STON2: variants seen among roughly 807,000 people sequenced by gnomAD.
STON2 encodes the protein stonin 2.
A neutral mutation model predicts 65.7 loss-of-function variants in STON2; 29 were observed. The ratio of observed to expected loss-of-function variants is 0.44; its 90% confidence interval spans 0.33 to 0.60. The LOEUF is 0.60. STON2 is among the 20% of genes least tolerant of loss of function. STON2 has a pLI of 0.03. For missense variants in STON2, 1,054 were observed against 1,118.1 expected (o/e 0.94, Z 0.82); for synonymous variants, 404 against 414.2 (o/e 0.98, Z 0.30).
At chr14:81,271,948 C>A (rs1055741067) in intron 6 of STON2, among the ~76,000 whole-genome samples, 1 of 152,150 alleles carries the variant, frequency 6.6e-6, no homozygotes, top group South Asian at 2.1e-4. Flanking sequence ...ACAGTCACAG[C>A]TAGAAAGTGG....
At chr14:81,286,157 AAAAAT>A (rs869033768) in intron 5 of STON2, among the ~76,000 whole-genome samples, 2 of 152,244 alleles carry the variant, frequency 1.3e-5, no homozygotes, top group African/African-American at 4.8e-5. Flanking sequence ...TTTGTCTCAA[AAAAAT>A]AAAATAAGTA....
At chr14:81,347,546 T>C (rs1430865461) in intron 4 of STON2, among the ~76,000 whole-genome samples, 5 of 138,220 alleles carry the variant, frequency 3.6e-5, no homozygotes, top group Non-Finnish European at 7.6e-5. Context: ...AATTGAAGAG[T>C]AGAGAATTCT....
chr14:81,307,109 G>A (rs1200066581), intron 5 of STON2, among the ~76,000 whole-genome samples: 1 of 152,196 alleles, frequency 6.6e-6, no homozygotes, highest in African/African-American at 2.4e-5. Context: ...CACTCCCTTA[G>A]ATCCTCTACA....
At position 81,337,636 on chromosome 14, in the gene STON2, C is replaced by T. The variant is rs76097268; in HGVS notation, c.572-13449G>A. Among the ~76,000 whole-genome samples, 55 of 152,116 alleles carry T rather than the reference C, an allele frequency of 3.6e-4. 1 individual carries two copies. In the South Asian group the frequency reaches 9.8e-3, roughly 27 times the overall value. The stretch of plus-strand genomic sequence containing the variant: ...TGAACCGTATGAAGATCTTGAAGAA[C>T]GACCTTCCAGAAAGAGGGAACAGCA... On this transcript the variant is annotated intron_variant, in intron 4 of 7. Coordinates refer to ENST00000614646, the MANE Select transcript of STON2 (RefSeq NM_001394390.1).
rs141777171 is a variant in STON2, at chr14:81,351,246, TG to T, written c.571+19741del. Among the ~76,000 whole-genome samples, 783 of 148,028 alleles carry T rather than the reference TG, an allele frequency of 5.3e-3. 4 individuals are homozygous for T. The highest frequency in any genetic ancestry group is 0.029 in the South Asian group (135 of 4,646). On this transcript the variant is annotated intron_variant, in intron 4 of 7. Coordinates refer to ENST00000614646, the MANE Select transcript of STON2 (RefSeq NM_001394390.1). Reference sequence around the variant, plus strand: ...GATTCAATGTGGCAAAAATGGGAAATGTAGCTTTACAAAATTCATTGGACAC... The same window carrying T: ...GATTCAATGTGGCAAAAATGGGAAATTAGCTTTACAAAATTCATTGGACAC...
At chr14:81,414,618 T>A (rs751041889) in intron 2 of STON2, among the ~76,000 whole-genome samples, 1 of 151,426 alleles carries the variant, frequency 6.6e-6, no homozygotes, top group African/African-American at 2.4e-5. Context: ...ATTCCTTGAA[T>A]ACTAGATGTG....
At chr14:81,378,834 C>A (rs1029378522) in intron 3 of STON2, among the ~76,000 whole-genome samples, 4 of 152,162 alleles carry the variant, frequency 2.6e-5, no homozygotes, top group African/African-American at 9.7e-5. Flanking sequence ...AGAGAAAAAT[C>A]TTACCATCAT....
At chr14:81,407,906 G>C (rs1900947518) in intron 2 of STON2, among the ~76,000 whole-genome samples, 2 of 152,188 alleles carry the variant, frequency 1.3e-5, no homozygotes, top group African/African-American at 4.8e-5. Context: ...CTGTGTCACA[G>C]TGGGCTACAG....
At position 81,262,038 on chromosome 14, in the gene STON2, TA is replaced by T; in HGVS notation, c.*6375del. ...CAAAATTTAAATTTCTTGGTTCTTA[TA>T]AACATAGGAAGAGTCACTGAAAGGT... On this transcript the variant is annotated 3_prime_UTR_variant, in exon 8 of 8. Transcript: ENST00000614646. 7.3e-7 allele frequency: 1 copy of T among 1,364,574 alleles called. No individual in the cohort carries two copies. Among genetic ancestry groups the T allele is most frequent in the Non-Finnish European group, 9.4e-7 (1 of 1,064,708 alleles). The allele number at this position is 1,364,574 out of a possible 1,614,324, so 84.5% of individuals were successfully genotyped here. A position where few individuals can be genotyped will look rare whatever the true frequency, so the allele number is the denominator to read the frequency against.
rs2140088915 is a variant in STON2 at position 81,266,403 on chromosome 14, T to C, written c.*2011A>G. ...GAATAAATCTAATTCCTCTTCCTTTTCATAGCTCAATAGAAATTTCTAGGC... is the reference window on the plus strand; with the variant it reads ...GAATAAATCTAATTCCTCTTCCTTTCCATAGCTCAATAGAAATTTCTAGGC... On this transcript the variant is annotated 3_prime_UTR_variant, in exon 8 of 8. Transcript: ENST00000614646. 6.6e-6 allele frequency among the ~76,000 whole-genome samples: 1 copy of C among 152,322 alleles called. No homozygotes were observed. Among genetic ancestry groups the C allele is most frequent in the East Asian group, 1.9e-4 (1 of 5,190 alleles).
At chr14:81,274,605 C>T (rs956942678) in intron 6 of STON2, among the ~76,000 whole-genome samples, 6 of 151,906 alleles carry the variant, frequency 3.9e-5, no homozygotes, top group Non-Finnish European at 5.9e-5. Context: ...TCAAAATGCA[C>T]TCCTCTCCCC....
At chr14:81,396,750 AT>A (rs5810027) in intron 2 of STON2, among the ~76,000 whole-genome samples, 51,674 of 116,984 alleles carry the variant, frequency 0.44, 9,029 homozygotes, top group South Asian at 0.59. Context: ...GCCTTCAAAA[AT>A]TTTTTTTTTG....
intron 6 of STON2, among the ~76,000 whole-genome samples, chr14:81,273,564 AGGTAGGAGG>A (rs1266594764): frequency 2.6e-5 from 4 of 152,170 alleles, no homozygotes; most frequent in Non-Finnish European, 5.9e-5. Flanking sequence ...CTTGGGATGA[AGGTAGGAGG>A]GGTCCTTGGA....
At chr14:81,286,116 C>T (rs1310193001) in intron 5 of STON2, among the ~76,000 whole-genome samples, 7 of 150,952 alleles carry the variant, frequency 4.6e-5, no homozygotes, top group African/African-American at 1.7e-4. Context: ...CCACTGCACT[C>T]CAGCCTGGGT....
rs36017951 is a variant in STON2, at chr14:81,277,221, T to C, written c.2261A>G (p.Asn754Ser). 65,629 of 1,614,170 alleles carry C rather than the reference T, an allele frequency of 0.041. 1,519 individuals carry two copies. The highest frequency in any genetic ancestry group is 0.068 in the Middle Eastern group (413 of 6,062). The change falls in exon 6 of 8, where the codon AAT (asparagine) becomes AGT (serine). Residue 754 changes from asparagine (N) to serine (S), a missense_variant. Transcript: ENST00000614646. ...PFTLRTATSV[N>S]GAEVEVQSWL... ...GCTCTGCACCTCCACCTCTGCCCCA[T>C]TGACACTTGTGGCCGTCCTGAGTGT...
At chr14:81,338,611 C>A (rs1026269477) in intron 4 of STON2, among the ~76,000 whole-genome samples, 2 of 152,172 alleles carry the variant, frequency 1.3e-5, no homozygotes, top group African/African-American at 2.4e-5. Flanking sequence ...GTATAGGTGA[C>A]AACCTACTAC....
chr14:81,288,824 T>TG (rs147948458), intron 5 of STON2, among the ~76,000 whole-genome samples: 9,933 of 150,338 alleles, frequency 0.066, 426 homozygotes, highest in South Asian at 0.13. Flanking sequence ...GGAAAAAGGG[T>TG]GGGGGGGTCT....
At chr14:81,279,829 T>C (rs972830876) in intron 5 of STON2, among the ~76,000 whole-genome samples, 2 of 152,216 alleles carry the variant, frequency 1.3e-5, no homozygotes, top group African/African-American at 2.4e-5. Flanking sequence ...TGAAAAGAGA[T>C]TGGGCAATTT....
chr14:81,394,134 T>C (rs1235761540), intron 3 of STON2, among the ~76,000 whole-genome samples: 5 of 151,818 alleles, frequency 3.3e-5, no homozygotes, highest in African/African-American at 1.2e-4. Flanking sequence ...GAGGTTGCAG[T>C]GAGCTGAGAT....
Sources: allele counts gnomAD v4.1 joint callset (sites outside exome capture counted in the v4.1 genomes callset), GRCh38; gene constraint gnomAD v4.1.1; transcripts MANE v1.5; gene names NCBI Gene and HGNC (gene_info 2026-07-23, HGNC 2026-07-21).